The following E2F5 variants were observed in gnomAD, a reference collection of about 807,000 sequenced individuals.
The protein encoded by E2F5 is E2F transcription factor 5, also known as transcription factor E2F5.
A neutral mutation model predicts 39.1 loss-of-function variants in E2F5; 23 were observed. The ratio of observed to expected loss-of-function variants is 0.59; its 90% CI spans 0.42 to 0.83. E2F5 has a LOEUF of 0.83. Among genes scored for constraint, E2F5 ranks in the 40% least tolerant of loss-of-function variants. The pLI is 0.00. For missense variants in E2F5, 365 were observed against 406.7 expected, an observed-to-expected ratio of 0.90 and a Z score of 0.88; for synonymous variants, 145 against 157.8, an observed-to-expected ratio of 0.92 and a Z score of 0.61.
intron 3 of E2F5, 159 bp from the exon 4 acceptor site, chr8:85,206,018 C>A (rs1812795630): frequency 1.6e-6 from 1 of 640,854 alleles, no homozygotes; most frequent in African/African-American, 1.9e-5. Flanking sequence ...ACTCCTTTGT[C>A]TTTACCTTTC....
intron 4 of E2F5, 109 bp downstream of exon 4, chr8:85,206,329 G>A: frequency 9.0e-7 from 1 of 1,107,198 alleles, no homozygotes; most frequent in Non-Finnish European, 1.3e-6. Context: ...GAAGTTGTGG[G>A]CATTGTGTCT....
chr8:85,182,963 C>G (rs1812251476), intron 1 of E2F5, among the ~76,000 whole-genome samples: 1 of 152,120 alleles, frequency 6.6e-6, no homozygotes, highest in Non-Finnish European at 1.5e-5. Flanking sequence ...ATTGAAGACA[C>G]TAGTTTGGCC....
intron 1 of E2F5, among the ~76,000 whole-genome samples, chr8:85,190,108 C>T (rs1028233423): frequency 1.1e-4 from 17 of 152,208 alleles, no homozygotes; most frequent in African/African-American, 2.7e-4. Flanking sequence ...TCTGCCACCT[C>T]GTCTATGCAC....
At chr8:85,196,256 T>C (rs1352521235) in intron 1 of E2F5, among the ~76,000 whole-genome samples, 4 of 152,164 alleles carry the variant, frequency 2.6e-5, no homozygotes, top group Non-Finnish European at 5.9e-5. Flanking sequence ...TGAAAACACA[T>C]AGTGGCCACC....
At chr8:85,188,927 G>C (rs1309702870) in intron 1 of E2F5, among the ~76,000 whole-genome samples, 1 of 152,104 alleles carries the variant, frequency 6.6e-6, no homozygotes, top group East Asian at 1.9e-4. Flanking sequence ...TTATTGTGCT[G>C]CAACCAGATA....
rs374710773 is a variant in E2F5 at position 85,185,254 on chromosome 8, G to A, written c.234+7600G>A. Among the ~76,000 whole-genome samples the A allele has an allele frequency of 1.1e-4, 17 of 152,212 alleles. No homozygotes were observed. In the East Asian group the frequency reaches 2.3e-3, roughly 21 times the overall value. On this transcript the variant is annotated intron_variant, in intron 1 of 7. Transcript: ENST00000416274. ...TCTTTGACAAACCTGACACCAAGAA[G>A]AAATGGGGAAAAGATTCTCTATTTA...
intron 1 of E2F5, chr8:85,178,273 T>C (rs1240010553): frequency 6.6e-6 from 1 of 152,144 alleles, no homozygotes; most frequent in African/African-American, 2.4e-5. Context: ...GGAGGGGTAT[T>C]TGATTTGTGA....
Position 85,214,324 on chromosome 8 carries a change from T to C in E2F5, c.*462T>C. The C allele has an allele frequency of 3.4e-6, 2 of 589,268 alleles. No individual in the cohort carries two copies. The highest frequency in any genetic ancestry group is 1.8e-5 in the South Asian group (1 of 54,798). The allele number at this position is 589,268 out of a possible 1,614,324, so 36.5% of individuals were successfully genotyped here. ...AAAGTGAAGGATGTAAACGAGGATA[T>C]ATAACTGTTTCAGTGAACAGATTTT... On this transcript the variant is annotated 3_prime_UTR_variant, in exon 8 of 8. Transcript: ENST00000416274.
chr8:85,194,188 T>C (rs1448245150), intron 1 of E2F5, among the ~76,000 whole-genome samples: 1 of 152,140 alleles, frequency 6.6e-6, no homozygotes, highest in Non-Finnish European at 1.5e-5. Flanking sequence ...TTTTTGACAT[T>C]TTGCTGTATA....
chr8:85,209,516 A>G, intron 6 of E2F5, 107 bp downstream of exon 6: 1 of 1,338,644 alleles, frequency 7.5e-7, no homozygotes, highest in Non-Finnish European at 1.0e-6. Flanking sequence ...AGCACTTTTG[A>G]CATTTTGGAA....
chr8:85,180,506 CTATACA>C (rs1423001302), intron 1 of E2F5, among the ~76,000 whole-genome samples: 19 of 62,466 alleles, frequency 3.0e-4, no homozygotes, highest in Non-Finnish European at 4.6e-4. Context: ...GTTAAAGAAA[CTATACA>C]TATATATATA....
chr8:85,203,142 A>C lies in E2F5; in HGVS notation c.393A>C (p.Arg131Ser). Residue 131 changes from arginine to serine, a missense_variant, in exon 3 of 8, where the codon AGA becomes AGC. Physicochemically the swap from Arg to Ser is moderately radical, Grantham distance 110. Coordinates refer to ENST00000416274, the MANE Select transcript of E2F5 (RefSeq NM_001951.4). Reference protein sequence around the residue: ...CNTKEVIDRLRYLKAEIEDLE... With the variant: ...CNTKEVIDRLSYLKAEIEDLE... The stretch of plus-strand genomic sequence containing the variant: ...CTAAAGAAGTCATAGATAGATTAAG[A>C]TATCTTAAAGCTGAAATTGAAGATC... The C allele has an allele frequency of 6.3e-7, 1 of 1,599,936 alleles. No individual in the cohort carries two copies. Among genetic ancestry groups the C allele is most frequent in the South Asian group, 1.1e-5 (1 of 87,886 alleles).
chr8:85,178,889 A>G (rs1812143515), intron 1 of E2F5, among the ~76,000 whole-genome samples: 1 of 152,204 alleles, frequency 6.6e-6, no homozygotes, highest in Non-Finnish European at 1.5e-5. Flanking sequence ...GTTGAACTGA[A>G]TTACCTAAAT....
chr8:85,196,338 C>G (rs1003977890), intron 1 of E2F5, among the ~76,000 whole-genome samples: 1 of 152,104 alleles, frequency 6.6e-6, no homozygotes, highest in Non-Finnish European at 1.5e-5. Context: ...AACATTTTGT[C>G]TACTTTAGGT....
intron 1 of E2F5, chr8:85,200,263 G>A: frequency 1.1e-6 from 1 of 937,208 alleles, no homozygotes; most frequent in Non-Finnish European, 1.3e-6. Flanking sequence ...AAAAAAGAAT[G>A]ATGGGACTTT....
In E2F5 at chr8:85,177,261, TG is replaced by T; in HGVS notation, c.-157del. ...GCGTGACAAGCGGCCCAGACTCCCG[TG>T]GGCGCCGCACACCTGTTGTTTGCAG... On this transcript the variant is annotated 5_prime_UTR_variant, in exon 1 of 8. Transcript: ENST00000416274. 1.8e-6 allele frequency: 1 copy of T among 545,252 alleles called. No homozygotes were observed. The highest frequency in any genetic ancestry group is 2.3e-6 in the Non-Finnish European group (1 of 427,720). The allele number at this position is 545,252 out of a possible 1,614,324, so 33.8% of individuals were successfully genotyped here. A position where few individuals can be genotyped will look rare whatever the true frequency, so the allele number is the denominator to read the frequency against.
Position 85,213,733 on chromosome 8 carries a change from A to G in E2F5, c.932-20A>G. 7.3e-7 allele frequency: 1 copy of G among 1,370,270 alleles called. No individual in the cohort carries two copies. Among genetic ancestry groups the G allele is most frequent in the Non-Finnish European group, 1.0e-6 (1 of 961,774 alleles). 84.9% of individuals were successfully genotyped at this position (1,370,270 alleles called of 1,614,324 possible). A position where few individuals can be genotyped will look rare whatever the true frequency, so the allele number is the denominator to read the frequency against. On this transcript the variant is annotated intron_variant, in intron 7 of 7. Coordinates refer to ENST00000416274, the MANE Select transcript of E2F5 (RefSeq NM_001951.4). ...TATGTAGAAACCATCTTTAACACTA[A>G]ATTTGTTTTTTGTTCGCAGTGTTTC...
At chr8:85,183,744 G>A (rs1812270930) in intron 1 of E2F5, among the ~76,000 whole-genome samples, 1 of 152,188 alleles carries the variant, frequency 6.6e-6, no homozygotes, top group Non-Finnish European at 1.5e-5. Context: ...CAGGGGTTGA[G>A]GGAAAACAGA....
intron 1 of E2F5, among the ~76,000 whole-genome samples, chr8:85,196,593 T>TA (rs1217167858): frequency 6.6e-6 from 1 of 152,256 alleles, no homozygotes; most frequent in African/African-American, 2.4e-5. Flanking sequence ...CAAATTTATT[T>TA]AAAGTCATTT....
Sources: allele counts gnomAD v4.1 joint callset (sites outside exome capture counted in the v4.1 genomes callset), GRCh38; gene constraint gnomAD v4.1.1; transcripts MANE v1.5; gene names NCBI Gene and HGNC (gene_info 2026-07-23, HGNC 2026-07-21).